Variants in EEFSEC observed in about 807,000 individuals in gnomAD.
EEFSEC encodes selenocysteine-specific elongation factor.
Under a neutral mutation model 42.1 loss-of-function variants are expected in EEFSEC, and 43 were observed. The observed-to-expected ratio is 1.02, with a 90% CI of 0.80 to 1.32. EEFSEC has a LOEUF of 1.32. Ranked by LOEUF, EEFSEC falls within the 40% of genes most tolerant of loss-of-function variation. The probability of loss-of-function intolerance (pLI) is 0.00; values close to 1 mark genes in which losing one functional copy is unlikely to be tolerated. For synonymous variants in EEFSEC, 354 were observed against 339.1 expected, an observed-to-expected ratio of 1.04 and a Z score of -0.48; for missense variants, 745 against 803.6, an observed-to-expected ratio of 0.93 and a Z score of 0.88.
At chr3:128,228,258 T>A (rs912348022) in intron 1 of EEFSEC, among the ~76,000 whole-genome samples, 1 of 152,078 alleles carries the variant, frequency 6.6e-6, no homozygotes, top group African/African-American at 2.4e-5. Flanking sequence ...AACAGCACTA[T>A]CCTAGGGCAA....
intron 4 of EEFSEC, among the ~76,000 whole-genome samples, chr3:128,340,391 A>G (rs2067237340): frequency 1.3e-5 from 2 of 149,950 alleles, no homozygotes. Context: ...ATTAATATAT[A>G]TTTGCATGCA....
chr3:128,163,946 A>AAC (rs1553737107), intron 1 of EEFSEC, among the ~76,000 whole-genome samples: 10 of 151,354 alleles, frequency 6.6e-5, no homozygotes, highest in Non-Finnish European at 1.0e-4. Context: ...GTGAAAAAAA[A>AAC]AAAAAACAAA....
chr3:128,273,531 C>T (rs2066436167), intron 4 of EEFSEC, among the ~76,000 whole-genome samples: 1 of 152,236 alleles, frequency 6.6e-6, no homozygotes, highest in African/African-American at 2.4e-5. Context: ...TGCCCTTTTC[C>T]ATCAGGCCCC....
the EEFSEC span, among the ~76,000 whole-genome samples, chr3:128,422,619 C>T: frequency 1.4e-4 from 22 of 152,248 alleles, no homozygotes; most frequent in African/African-American, 4.3e-4. Context: ...GGCCCTGGCC[C>T]ATTAGTTTAT....
intron 4 of EEFSEC, among the ~76,000 whole-genome samples, chr3:128,336,670 C>T (rs958665678): frequency 1.3e-5 from 2 of 152,208 alleles, no homozygotes; most frequent in Admixed American, 6.5e-5. Flanking sequence ...GTCTTGGCTC[C>T]AATGCCACCT....
intron 4 of EEFSEC, among the ~76,000 whole-genome samples, chr3:128,270,977 C>T (rs957345281): frequency 6.6e-6 from 1 of 152,162 alleles, no homozygotes. Flanking sequence ...CGGCATCCAT[C>T]CTGGGCTCGG....
intron 4 of EEFSEC, among the ~76,000 whole-genome samples, chr3:128,334,690 C>T (rs1158129659): frequency 6.6e-6 from 1 of 152,258 alleles, no homozygotes; most frequent in East Asian, 1.9e-4. Context: ...CAAGCACGAA[C>T]TTGAGTTTTA....
At chr3:128,182,405 T>C (rs995726953) in intron 1 of EEFSEC, among the ~76,000 whole-genome samples, 1 of 152,134 alleles carries the variant, frequency 6.6e-6, no homozygotes, top group Non-Finnish European at 1.5e-5. Flanking sequence ...ATGTACATGA[T>C]AGAAAACTTA....
chr3:128,413,079 C>A (rs1037732970), downstream of EEFSEC, among the ~76,000 whole-genome samples: 1 of 152,080 alleles, frequency 6.6e-6, no homozygotes, highest in South Asian at 2.1e-4. Flanking sequence ...GGCTCCCCCA[C>A]CCCCAACACA....
rs145299829 is a variant in EEFSEC, at chr3:128,298,475, G to A, written c.786+33694G>A. ...TTTTTAAAATAGATACATAATAGTT[G>A]TACATATTTGGGGGCACATATGATA... On this transcript the variant is annotated intron_variant, in intron 4 of 6. Transcript: ENST00000254730. 6.9e-3 allele frequency among the ~76,000 whole-genome samples: 1,045 copies of A among 152,258 alleles called. 3 individuals are homozygous for A. Among genetic ancestry groups the A allele is most frequent in the South Asian group, 0.011 (51 of 4,824 alleles).
intron 5 of EEFSEC, among the ~76,000 whole-genome samples, chr3:128,342,112 A>AC (rs2067262403): frequency 6.6e-6 from 1 of 151,846 alleles, no homozygotes; most frequent in African/African-American, 2.4e-5. Context: ...GGGCAGGGGG[A>AC]CCCCCACTGT....
intron 6 of EEFSEC, among the ~76,000 whole-genome samples, chr3:128,390,111 G>A (rs1230154068): frequency 6.6e-6 from 1 of 152,250 alleles, no homozygotes; most frequent in Non-Finnish European, 1.5e-5. Flanking sequence ...TTGTGAAAGT[G>A]CTTTGCCTCA....
At chr3:128,285,642 T>C (rs1240193275) in intron 4 of EEFSEC, among the ~76,000 whole-genome samples, 1 of 152,186 alleles carries the variant, frequency 6.6e-6, no homozygotes, top group Non-Finnish European at 1.5e-5. Context: ...AATCTGTAGT[T>C]GTTTTCAAAA....
chr3:128,174,702 C>T (rs1008385258), intron 1 of EEFSEC, among the ~76,000 whole-genome samples: 7 of 152,146 alleles, frequency 4.6e-5, no homozygotes, highest in East Asian at 1.9e-4. Context: ...TGCCTACCTT[C>T]GGGTTTGCTG....
chr3:128,249,525 T>A (rs953305988), intron 2 of EEFSEC, among the ~76,000 whole-genome samples: 1 of 152,192 alleles, frequency 6.6e-6, no homozygotes, highest in African/African-American at 2.4e-5. Context: ...GTCCCCACTA[T>A]ATATACCCCA....
downstream of EEFSEC, among the ~76,000 whole-genome samples, chr3:128,410,620 C>T (rs2068167351): frequency 6.6e-6 from 1 of 152,176 alleles, no homozygotes; most frequent in South Asian, 2.1e-4. Flanking sequence ...GCCTCAGTGT[C>T]CCCATGTATA....
chr3:128,280,800 G>A (rs2066517885), intron 4 of EEFSEC, among the ~76,000 whole-genome samples: 2 of 152,192 alleles, frequency 1.3e-5, no homozygotes, highest in Non-Finnish European at 1.5e-5. Context: ...CGCCCTGCAT[G>A]ATTCCCCTCC....
At chr3:128,393,469 C>T (rs1296216389) in intron 6 of EEFSEC, among the ~76,000 whole-genome samples, 1 of 152,212 alleles carries the variant, frequency 6.6e-6, no homozygotes, top group Admixed American at 6.5e-5. Context: ...CTTACTAGCC[C>T]TTGGAGCCCA....
intron 1 of EEFSEC, among the ~76,000 whole-genome samples, chr3:128,226,216 A>G (rs1486753400): frequency 6.6e-6 from 1 of 152,186 alleles, no homozygotes; most frequent in East Asian, 1.9e-4. Flanking sequence ...ACGAAGCTAG[A>G]CAGCCCATGC....
Sources: allele counts gnomAD v4.1 joint callset (sites outside exome capture counted in the v4.1 genomes callset), GRCh38; gene constraint gnomAD v4.1.1; transcripts MANE v1.5; gene names NCBI Gene and HGNC (gene_info 2026-07-23, HGNC 2026-07-21).